ZFPM2: variants seen among roughly 807,000 people sequenced by gnomAD.
ZFPM2 encodes the protein zinc finger protein, FOG family member 2, also known as zinc finger protein ZFPM2.
A neutral mutation model predicts 98.6 loss-of-function variants in ZFPM2; 20 were observed. That is an observed-to-expected ratio of 0.20 (90% CI 0.14 to 0.29). The LOEUF (loss-of-function observed/expected upper bound fraction) is 0.29. ZFPM2 is among the 10% of genes least tolerant of loss of function. The pLI is 1.00. For missense variants in ZFPM2, 1,310 were observed against 1,388.6 expected, an observed-to-expected ratio of 0.94 and a Z score of 0.90; for synonymous variants, 518 against 502.7, an observed-to-expected ratio of 1.03 and a Z score of -0.41.
intron 4 of ZFPM2, among the ~76,000 whole-genome samples, chr8:105,586,003 GT>G (rs1178403668): frequency 5.0e-4 from 11 of 21,982 alleles, no homozygotes; most frequent in Admixed American, 2.4e-3. Flanking sequence ...GGGGGAAGGG[GT>G]GTGTGTGTGT....
At chr8:105,394,177 G>A (rs1478102084) in intron 1 of ZFPM2, among the ~76,000 whole-genome samples, 1 of 152,112 alleles carries the variant, frequency 6.6e-6, no homozygotes, top group Non-Finnish European at 1.5e-5. Flanking sequence ...ACAAGCGTGA[G>A]CCACCGCGCC....
chr8:105,486,782 A>G (rs1813237939), intron 3 of ZFPM2, among the ~76,000 whole-genome samples: 1 of 152,172 alleles, frequency 6.6e-6, no homozygotes, highest in African/African-American at 2.4e-5. Context: ...GCAATGAAAA[A>G]TATGTTTGTC....
chr8:105,534,271 C>T (rs1162207596), intron 3 of ZFPM2, among the ~76,000 whole-genome samples: 4 of 44,526 alleles, frequency 9.0e-5, no homozygotes, highest in African/African-American at 4.8e-4. Flanking sequence ...CCTTTCCTTC[C>T]TTCTTTCCCT....
At chr8:105,464,235 A>G (rs967025210) in intron 3 of ZFPM2, among the ~76,000 whole-genome samples, 1 of 151,986 alleles carries the variant, frequency 6.6e-6, no homozygotes, top group African/African-American at 2.4e-5. Flanking sequence ...AATGTTACCA[A>G]ATCTTTCCTC....
chr8:105,526,306 T>TA (rs1377358898), intron 3 of ZFPM2, among the ~76,000 whole-genome samples: 1 of 152,142 alleles, frequency 6.6e-6, no homozygotes, highest in East Asian at 1.9e-4. Flanking sequence ...CTGCATATGT[T>TA]AAAACCATAA....
intron 1 of ZFPM2, among the ~76,000 whole-genome samples, chr8:105,365,810 A>G (rs1439311247): frequency 6.6e-6 from 1 of 152,174 alleles, no homozygotes; most frequent in African/African-American, 2.4e-5. Context: ...TGCAAAACAG[A>G]CAGAGATTCC....
chr8:105,439,619 A>G (rs1223584534), intron 2 of ZFPM2, among the ~76,000 whole-genome samples: 3 of 152,160 alleles, frequency 2.0e-5, no homozygotes, highest in Admixed American at 1.3e-4. Flanking sequence ...AAGACCATGG[A>G]TAAGTTATTG....
intron 1 of ZFPM2, among the ~76,000 whole-genome samples, chr8:105,345,023 A>G (rs941871204): frequency 1.3e-5 from 2 of 152,210 alleles, no homozygotes; most frequent in African/African-American, 4.8e-5. Context: ...ATAAATGTGT[A>G]TATTATTCCT....
chr8:105,601,072 C>T (rs1816081415), intron 4 of ZFPM2, among the ~76,000 whole-genome samples: 1 of 152,106 alleles, frequency 6.6e-6, no homozygotes, highest in African/African-American at 2.4e-5. Flanking sequence ...GCTGAGCCAT[C>T]CTGCTCCTCC....
intron 4 of ZFPM2, among the ~76,000 whole-genome samples, chr8:105,600,153 A>T (rs1816061721): frequency 6.6e-6 from 1 of 152,136 alleles, no homozygotes; most frequent in South Asian, 2.1e-4. Flanking sequence ...TTAAGATAGT[A>T]TTCCTGTTGA....
chr8:105,587,209 G>A (rs578209645), intron 4 of ZFPM2, among the ~76,000 whole-genome samples: 6 of 150,542 alleles, frequency 4.0e-5, no homozygotes, highest in East Asian at 2.0e-4. Flanking sequence ...CCCGGGAGGC[G>A]GAGCTTGCAG....
chr8:105,404,069 C>T (rs1434660547), intron 1 of ZFPM2, among the ~76,000 whole-genome samples: 1 of 151,874 alleles, frequency 6.6e-6, no homozygotes, highest in African/African-American at 2.4e-5. Context: ...GCCCTAGGCG[C>T]TAGGTTCTTA....
chr8:105,329,967 G>GT (rs1442908301), intron 1 of ZFPM2, among the ~76,000 whole-genome samples: 1 of 151,576 alleles, frequency 6.6e-6, no homozygotes, highest in East Asian at 1.9e-4. Context: ...GTATTTGCTT[G>GT]TTTTTTTGCT....
At chr8:105,381,083 C>A (rs746518129) in intron 1 of ZFPM2, among the ~76,000 whole-genome samples, 2 of 146,334 alleles carry the variant, frequency 1.4e-5, no homozygotes, top group Admixed American at 1.5e-4. Flanking sequence ...CCTTGCCCCC[C>A]ACCCCTCAAC....
At chr8:105,799,037 G>GTCTA in intron 7 of ZFPM2, 89 bp downstream of exon 7, 1 of 1,191,196 alleles carries the variant, frequency 8.4e-7, no homozygotes, top group Admixed American at 2.2e-5. Flanking sequence ...GTCTATATCT[G>GTCTA]TCTATCTGTA....
At chr8:105,369,130 G>C (rs1810569716) in intron 1 of ZFPM2, among the ~76,000 whole-genome samples, 1 of 152,084 alleles carries the variant, frequency 6.6e-6, no homozygotes, top group Non-Finnish European at 1.5e-5. Flanking sequence ...AGATAACTTT[G>C]CTCCTACATT....
intron 4 of ZFPM2, among the ~76,000 whole-genome samples, chr8:105,611,394 C>A (rs566652607): frequency 6.6e-6 from 1 of 152,290 alleles, no homozygotes; most frequent in East Asian, 1.9e-4. Flanking sequence ...CCTTCCTACT[C>A]AGAACTGATC....
intron 3 of ZFPM2, among the ~76,000 whole-genome samples, chr8:105,526,661 G>A (rs192029905): frequency 2.0e-5 from 3 of 152,226 alleles, no homozygotes; most frequent in Admixed American, 2.0e-4. Flanking sequence ...CAAGCCACAC[G>A]GTTGGGTAAA....
chr8:105,345,762 T>C (rs948252356), intron 1 of ZFPM2, among the ~76,000 whole-genome samples: 3 of 152,138 alleles, frequency 2.0e-5, no homozygotes, highest in Admixed American at 2.0e-4. Flanking sequence ...TGTAATAAGA[T>C]TGTTATAATC....
Sources: gnomAD v4.1 joint callset for allele counts (sites outside exome capture counted in the v4.1 genomes callset) on GRCh38, gnomAD v4.1.1 for gene constraint, MANE v1.5 for transcripts, NCBI Gene and HGNC (gene_info 2026-07-23, HGNC 2026-07-21) for gene names.